PARD3B: variants seen among roughly 807,000 people sequenced by gnomAD.
PARD3B encodes partitioning defective 3 homolog B.
Under a neutral mutation model 130.2 loss-of-function variants are expected in PARD3B, and 103 were observed. The ratio of observed to expected loss-of-function variants is 0.79; its 90% CI spans 0.67 to 0.93. The LOEUF is 0.93. Ranked by LOEUF, PARD3B falls within the 40% of genes least tolerant of loss-of-function variation. The pLI, the probability that PARD3B is intolerant of heterozygous loss-of-function variation, is 0.00. For synonymous variants in PARD3B, 583 were observed against 553.2 expected, an observed-to-expected ratio of 1.05 and a Z score of -0.76; for missense variants, 1,609 against 1,499.2, an observed-to-expected ratio of 1.07 and a Z score of -1.21.
intron 2 of PARD3B, among the ~76,000 whole-genome samples, chr2:204,846,804 A>G (rs2044479383): frequency 6.6e-6 from 1 of 151,862 alleles, no homozygotes; most frequent in Non-Finnish European, 1.5e-5. Flanking sequence ...GAAAAAAATT[A>G]ATTCTTATAC....
intron 19 of PARD3B, among the ~76,000 whole-genome samples, chr2:205,416,537 T>C (rs531993135): frequency 6.6e-6 from 1 of 152,276 alleles, no homozygotes; most frequent in South Asian, 2.1e-4. Context: ...TCCTCACATA[T>C]GTCTTCATCC....
chr2:205,193,369 A>G (rs769786236), intron 15 of PARD3B, 49 bp downstream of exon 15: 12 of 1,366,070 alleles, frequency 8.8e-6, no homozygotes, highest in African/African-American at 1.4e-5. Context: ...GCCTCAGCCC[A>G]TTTATCTTCC....
intron 22 of PARD3B, among the ~76,000 whole-genome samples, chr2:205,612,733 C>A (rs2105797628): frequency 6.6e-6 from 1 of 152,272 alleles, no homozygotes; most frequent in South Asian, 2.1e-4. Context: ...CATTTCTTGA[C>A]AAAGAACAGC....
intron 16 of PARD3B, among the ~76,000 whole-genome samples, chr2:205,257,421 C>A (rs939039425): frequency 6.6e-6 from 1 of 151,482 alleles, no homozygotes; most frequent in African/African-American, 2.4e-5. Context: ...TCATGGCATG[C>A]CCTCAGTGAG....
chr2:205,412,564 T>G (rs1217343522), intron 19 of PARD3B, among the ~76,000 whole-genome samples: 1 of 152,234 alleles, frequency 6.6e-6, no homozygotes, highest in Non-Finnish European at 1.5e-5. Context: ...AAACTTTCAG[T>G]GGCTCTCTAT....
At chr2:204,972,449 CT>C (rs1386365956) in intron 3 of PARD3B, among the ~76,000 whole-genome samples, 1 of 151,988 alleles carries the variant, frequency 6.6e-6, no homozygotes, top group African/African-American at 2.4e-5. Context: ...ATTCAGTTAA[CT>C]TTTGTATTTT....
At chr2:205,246,056 T>C (rs1038221429) in intron 16 of PARD3B, among the ~76,000 whole-genome samples, 1 of 152,120 alleles carries the variant, frequency 6.6e-6, no homozygotes, top group African/African-American at 2.4e-5. Flanking sequence ...CAAAAAGATA[T>C]ATAAAACCAA....
chr2:205,164,004 C>T (rs901525820), intron 11 of PARD3B, among the ~76,000 whole-genome samples: 9 of 152,150 alleles, frequency 5.9e-5, no homozygotes, highest in South Asian at 2.1e-4. Flanking sequence ...TATTGAAACT[C>T]CTCAAATGTA....
intron 2 of PARD3B, among the ~76,000 whole-genome samples, chr2:204,753,058 C>A (rs1474935025): frequency 6.6e-6 from 1 of 152,076 alleles, no homozygotes; most frequent in African/African-American, 2.4e-5. Context: ...GCCAAAAGTC[C>A]TATTCGGTAT....
rs1285447368 is a variant in PARD3B, at chr2:205,244,142, A to C, written c.2141-1636A>C. 6.6e-6 allele frequency among the ~76,000 whole-genome samples: 1 copy of C among 152,212 alleles called. No homozygotes were observed. Among genetic ancestry groups the C allele is most frequent in the East Asian group, 1.9e-4 (1 of 5,192 alleles). ...ATGTAGTGCTTTTATCTAGAAAATA[A>C]AGAAATAGCTTAGAAAAGGAGGGCT... On this transcript the variant is annotated intron_variant, in intron 15 of 22. Coordinates refer to ENST00000406610, the MANE Select transcript of PARD3B (RefSeq NM_001302769.2). The surrounding 1 kb of genome is among the most constrained non-coding windows in gnomAD (Gnocchi z 4.7).
chr2:204,823,576 AC>A (rs1215260793), intron 2 of PARD3B, among the ~76,000 whole-genome samples: 1 of 152,122 alleles, frequency 6.6e-6, no homozygotes, highest in Non-Finnish European at 1.5e-5. Flanking sequence ...GTGGATGCAT[AC>A]TGGGGAGCTG....
chr2:205,380,948 T>TATAA (rs1559035094), intron 18 of PARD3B, among the ~76,000 whole-genome samples: 5 of 64,524 alleles, frequency 7.7e-5, no homozygotes, highest in African/African-American at 2.8e-4. Flanking sequence ...ATATATAATA[T>TATAA]ATAATGTATA....
Position 205,253,293 on chromosome 2 carries a change from C to G in PARD3B, c.2185+7471C>G, listed in dbSNP as rs919755632. ...GACACTTAAGAGTAAAATGTATTAA[C>G]ACAAAGGCTCTGGCCGCCCCCCTAC... On this transcript the variant is annotated intron_variant, in intron 16 of 22. Coordinates refer to ENST00000406610, the MANE Select transcript of PARD3B (RefSeq NM_001302769.2). This position sits in a 1 kb window ranked among gnomAD's most constrained non-coding sequence, Gnocchi z 4.4. The G allele has an allele frequency of 4.1e-6, 2 of 492,272 alleles. No individual in the cohort carries two copies. Among genetic ancestry groups the G allele is most frequent in the African/African-American group, 3.9e-5 (2 of 51,146 alleles). The allele number at this position is 492,272 out of a possible 1,614,324, so 30.5% of individuals were successfully genotyped here.
intron 3 of PARD3B, among the ~76,000 whole-genome samples, chr2:205,030,655 G>A (rs1697348973): frequency 6.6e-6 from 1 of 152,112 alleles, no homozygotes; most frequent in South Asian, 2.1e-4. Flanking sequence ...AAGACTGTTT[G>A]ATACCATATG....
intron 21 of PARD3B, among the ~76,000 whole-genome samples, chr2:205,501,155 G>A (rs1265646695): frequency 6.6e-6 from 1 of 152,122 alleles, no homozygotes; most frequent in East Asian, 1.9e-4. Flanking sequence ...TCAGTTTCAG[G>A]ATCCACCACT....
At chr2:205,414,093 G>T (rs2046693505) in intron 19 of PARD3B, among the ~76,000 whole-genome samples, 1 of 152,080 alleles carries the variant, frequency 6.6e-6, no homozygotes, top group South Asian at 2.1e-4. Flanking sequence ...AAAAACTAAT[G>T]TAGATGGAAG....
intron 2 of PARD3B, among the ~76,000 whole-genome samples, chr2:204,692,502 T>A (rs1470194422): frequency 1.4e-4 from 1 of 7,122 alleles, no homozygotes; most frequent in Admixed American, 1.6e-3. Flanking sequence ...GTTAAACAGC[T>A]TTTTTTTTTT....
At chr2:205,378,665 C>G (rs1574852591) in intron 18 of PARD3B, among the ~76,000 whole-genome samples, 1 of 146,464 alleles carries the variant, frequency 6.8e-6, no homozygotes, top group East Asian at 2.0e-4. Context: ...CAGAGTTTCA[C>G]TCAGTCGTCA....
At chr2:204,964,983 T>C (rs13424370) in intron 2 of PARD3B, among the ~76,000 whole-genome samples, 169 bp from the exon 3 acceptor site, 3,406 of 152,282 alleles carry the variant, frequency 0.022, 128 homozygotes, top group African/African-American at 0.078. Flanking sequence ...ATGGTGCTTA[T>C]AGACATAATA....
Sources: gnomAD v4.1 joint callset for allele counts (sites outside exome capture counted in the v4.1 genomes callset) on GRCh38, gnomAD v4.1.1 for gene constraint, Gnocchi (gnomAD v3.1) non-coding constraint, MANE v1.5 for transcripts, NCBI Gene and HGNC (gene_info 2026-07-23, HGNC 2026-07-21) for gene names.